The following TRPV4 variants were observed in gnomAD, a reference collection of about 807,000 sequenced individuals.
TRPV4 encodes the protein transient receptor potential cation channel subfamily V member 4, also known as OSM9-like transient receptor potential channel 4.
In TRPV4, 58 loss-of-function variants were observed where a neutral mutation model predicts 84.1. The ratio of observed to expected loss-of-function variants is 0.69; its 90% CI spans 0.56 to 0.86. The LOEUF (loss-of-function observed/expected upper bound fraction) is 0.86. Among genes scored for constraint, TRPV4 ranks in the 40% least tolerant of loss-of-function variants. TRPV4 has a pLI of 0.00. For missense variants in TRPV4, 879 were observed against 1,181.1 expected, an observed-to-expected ratio of 0.74 and a Z score of 3.75; for synonymous variants, 489 against 500.9, an observed-to-expected ratio of 0.98 and a Z score of 0.32.
rs1201087763 is a variant in TRPV4 at position 109,783,865 on chromosome 12, T to C, written c.2459-87A>G. 1.4e-6 allele frequency: 2 copies of C among 1,479,670 alleles called. No homozygotes were observed. Among genetic ancestry groups the C allele is most frequent in the Non-Finnish European group, 1.8e-6 (2 of 1,081,784 alleles). The allele number at this position is 1,479,670 out of a possible 1,614,324, so 91.7% of individuals were successfully genotyped here. A position where few individuals can be genotyped will look rare whatever the true frequency, so the allele number is the denominator to read the frequency against. ...TGAGTGCCTACTGTGTACTGGGCACTCCACAGTGTTCTGAAGGGGGGATGT... is the reference window on the plus strand; with the variant it reads ...TGAGTGCCTACTGTGTACTGGGCACCCCACAGTGTTCTGAAGGGGGGATGT... On this transcript the variant is annotated intron_variant, in intron 15 of 15. Coordinates refer to ENST00000261740, the MANE Select transcript of TRPV4 (RefSeq NM_021625.5). This position sits in a 1 kb window ranked among gnomAD's most constrained non-coding sequence, Gnocchi z 4.6.
rs762197967 is a variant in TRPV4, at chr12:109,814,598, GA to G, written c.198del (p.Leu67CysfsTer3). 6.2e-7 allele frequency: 1 copy of G among 1,614,132 alleles called. No individual in the cohort carries two copies. The highest frequency in any genetic ancestry group is 1.1e-5 in the South Asian group (1 of 91,086). ...AAGGCGCCCTGGAACTTCATGCGCA[GA>G]TTTGGTCGCCCATCGCCTGGGCCAG... ...RPAGPGDGRPNLRMKFQGAFR... is the reference protein window; with the variant it reads ...RPAGPGDGRPXLRMKFQGAFR... On this transcript the variant is annotated frameshift_variant, in exon 2 of 16. Transcript: ENST00000261740. LOFTEE classifies it high-confidence loss of function. This position sits in a 1 kb window ranked among gnomAD's most constrained non-coding sequence, Gnocchi z 5.4.
chr12:109,831,983 C>T (rs1379559190), intron 1 of TRPV4, among the ~76,000 whole-genome samples: 7 of 152,208 alleles, frequency 4.6e-5, no homozygotes. Context: ...TTTTCACCCT[C>T]TTTGTTAAGA....
chr12:109,823,369 G>A (rs1275491283), intron 1 of TRPV4, among the ~76,000 whole-genome samples: 3 of 152,344 alleles, frequency 2.0e-5, no homozygotes, highest in Admixed American at 6.5e-5. Flanking sequence ...CAAGGCCAGC[G>A]TGGCCACGGC....
rs545660001 is a variant in TRPV4, at chr12:109,803,016, C to T, written c.687G>A (p.Ser229=). Residue 229 remains serine (S), a synonymous_variant, in exon 4 of 16, where the codon TCG becomes TCA. Transcript: ENST00000261740. The part of the protein sequence containing the change: ...RTGNMREFIN[S]PFRDIYYRGQ... Reference sequence around the variant, plus strand: ...CTCGATAGTAGATGTCACGGAAGGGCGAGTTAATGAACTCCCTCATGTTGC... The same window carrying T: ...CTCGATAGTAGATGTCACGGAAGGGTGAGTTAATGAACTCCCTCATGTTGC... 1.4e-5 allele frequency: 23 copies of T among 1,613,966 alleles called. No individual in the cohort carries two copies. Among genetic ancestry groups the T allele is most frequent in the East Asian group, 2.2e-5 (1 of 44,894 alleles).
At chr12:109,813,039 G>A (rs562983359) in intron 2 of TRPV4, among the ~76,000 whole-genome samples, 1 of 152,280 alleles carries the variant, frequency 6.6e-6, no homozygotes, top group East Asian at 1.9e-4. Context: ...ACAAATGGAA[G>A]GCTGGATGTG....
chr12:109,796,418 G>C lies in TRPV4; in HGVS notation c.1332+107C>G. ...TTCAGCCAACAGACCCACCACGTTGGGTCCTAGAGGCTGGGGCTGTCTCCC... is the reference window on the plus strand; with the variant it reads ...TTCAGCCAACAGACCCACCACGTTGCGTCCTAGAGGCTGGGGCTGTCTCCC... On this transcript the variant is annotated intron_variant, in intron 7 of 15. Transcript: ENST00000261740. This position sits in a 1 kb window ranked among gnomAD's most constrained non-coding sequence, Gnocchi z 4.2. 7.5e-7 allele frequency: 1 copy of C among 1,328,092 alleles called. No individual in the cohort carries two copies. Among genetic ancestry groups the C allele is most frequent in the Non-Finnish European group, 1.1e-6 (1 of 943,762 alleles). The allele number at this position is 1,328,092 out of a possible 1,614,324, so 82.3% of individuals were successfully genotyped here.
At chr12:109,817,518 T>G (rs967152004) in intron 1 of TRPV4, among the ~76,000 whole-genome samples, 3 of 152,202 alleles carry the variant, frequency 2.0e-5, no homozygotes, top group African/African-American at 7.2e-5. Context: ...CCCAGGTTCC[T>G]GGGGACTCCA....
Position 109,803,092 on chromosome 12 carries a change from T to C in TRPV4, c.611A>G (p.Asn204Ser), listed in dbSNP as rs771772498. Residue 204 changes from asparagine to serine, a missense_variant, in exon 4 of 16, where the codon AAT (asparagine) becomes AGT (serine). By Grantham distance (46) the Asn-to-Ser change is conservative (BLOSUM62 1). Around this residue, in one of 4 missense-constraint regions of TRPV4, gnomAD observed 521 missense variants for 686.6 expected, o/e 0.76. Transcript: ENST00000261740. ...CLPKALLNLS[N>S]GRNDTIPVLL... Reference sequence around the variant, plus strand: ...CACAGGGATGGTGTCGTTGCGGCCATTGCTCAGGTTCAGCAAGGCCTTGGG... The same window carrying C: ...CACAGGGATGGTGTCGTTGCGGCCACTGCTCAGGTTCAGCAAGGCCTTGGG... The C allele has an allele frequency of 8.1e-6, 13 of 1,614,170 alleles. No homozygotes were observed. Among genetic ancestry groups the C allele is most frequent in the South Asian group, 1.1e-5 (1 of 91,086 alleles).
Position 109,797,091 on chromosome 12 carries a change from A to G in TRPV4, c.1153-387T>C, listed in dbSNP as rs540990429. On this transcript the variant is annotated intron_variant, in intron 6 of 15. Transcript: ENST00000261740. ...TACCACTCCTCCTTCCCTGGCTTAC[A>G]CACAGGGAAGCGGAGGCACAGAGAG... Among the ~76,000 whole-genome samples the G allele has an allele frequency of 1.7e-3, 265 of 152,266 alleles. 1 individual carries two copies. Among genetic ancestry groups the G allele is most frequent in the African/African-American group, 6.2e-3 (259 of 41,536 alleles).
Position 109,783,886 on chromosome 12 carries a change from G to T in TRPV4, c.2459-108C>A. 2 of 1,326,904 alleles carry T rather than the reference G, an allele frequency of 1.5e-6. No homozygotes were observed. The highest frequency in any genetic ancestry group is 2.1e-6 in the Non-Finnish European group (2 of 955,502). The allele number at this position is 1,326,904 out of a possible 1,614,324, so 82.2% of individuals were successfully genotyped here. On this transcript the variant is annotated intron_variant, in intron 15 of 15. Coordinates refer to ENST00000261740, the MANE Select transcript of TRPV4 (RefSeq NM_021625.5). This position sits in a 1 kb window ranked among gnomAD's most constrained non-coding sequence, Gnocchi z 4.6. ...GCACTCCACAGTGTTCTGAAGGGGG[G>T]ATGTGACTATGCTCATTTTACAGAG...
Position 109,788,460 on chromosome 12 carries a change from G to A in TRPV4, c.2148C>T (p.Ala716=), listed in dbSNP as rs766828055. The A allele has an allele frequency of 1.2e-6, 2 of 1,614,186 alleles. No individual in the cohort carries two copies. Among genetic ancestry groups the A allele is most frequent in the South Asian group, 1.1e-5 (1 of 91,086 alleles). The change falls in exon 13 of 16, where the codon GCC becomes GCT. Residue 716 remains alanine, a synonymous_variant. Coordinates refer to ENST00000261740, the MANE Select transcript of TRPV4 (RefSeq NM_021625.5). ...TFVLLLNMLI[A]LMGETVGQVS... Reference sequence around the variant, plus strand: ...CCTGGCCCACTGTCTCGCCCATGAGGGCAATGAGCATGTTGAGGAGCAGCA... The same window carrying A: ...CCTGGCCCACTGTCTCGCCCATGAGAGCAATGAGCATGTTGAGGAGCAGCA...
rs1221960248 is a variant in TRPV4, at chr12:109,793,631, G to C, written c.1585-31C>G. 4.4e-6 allele frequency: 7 copies of C among 1,584,530 alleles called. No homozygotes were observed. Among genetic ancestry groups the C allele is most frequent in the Non-Finnish European group, 6.1e-6 (7 of 1,153,252 alleles). On this transcript the variant is annotated intron_variant, in intron 9 of 15. Transcript: ENST00000261740. The surrounding 1 kb of genome is among the most constrained non-coding windows in gnomAD (Gnocchi z 4.0). ...AGACAGGAGGGGGCACGTGAAAGGG[G>C]TGGGGCCAGCAGGAGAGGAGAGGAG...
chr12:109,784,894 C>T (rs1015590017), intron 14 of TRPV4, among the ~76,000 whole-genome samples: 8 of 147,060 alleles, frequency 5.4e-5, no homozygotes, highest in African/African-American at 2.1e-4. Flanking sequence ...TGTGTATACA[C>T]ACACAAAAAA....
chr12:109,796,405 A>G lies in TRPV4; in HGVS notation c.1332+120T>C. On this transcript the variant is annotated intron_variant, in intron 7 of 15. Coordinates refer to ENST00000261740, the MANE Select transcript of TRPV4 (RefSeq NM_021625.5). The surrounding 1 kb of genome is among the most constrained non-coding windows in gnomAD (Gnocchi z 4.2). ...ACCTTCTCTTGCATTCAGCCAACAG[A>G]CCCACCACGTTGGGTCCTAGAGGCT... 1 of 1,152,680 alleles carries G rather than the reference A, an allele frequency of 8.7e-7. No homozygotes were observed. The highest frequency in any genetic ancestry group is 1.3e-5 in the South Asian group (1 of 76,874). 71.4% of individuals were successfully genotyped at this position (1,152,680 alleles called of 1,614,324 possible). A position where few individuals can be genotyped will look rare whatever the true frequency, so the allele number is the denominator to read the frequency against.
At chr12:109,792,471 A>G (rs1162447712) in intron 11 of TRPV4, 42 bp from the exon 12 acceptor site, 2 of 1,599,552 alleles carry the variant, frequency 1.3e-6, no homozygotes, top group Non-Finnish European at 1.7e-6. Context: ...GAGGAGACAC[A>G]TGGTTTCTCA....
At chr12:109,828,510 G>A (rs760106339) in intron 1 of TRPV4, among the ~76,000 whole-genome samples, 2 of 152,206 alleles carry the variant, frequency 1.3e-5, no homozygotes, top group Non-Finnish European at 2.9e-5. Context: ...GCCAGAACAA[G>A]AGCAGCAGCC....
rs185045817 is a variant in TRPV4, at chr12:109,786,674, C to T, written c.2336+36G>A. The T allele has an allele frequency of 2.0e-5, 32 of 1,612,508 alleles. No homozygotes were observed. The highest frequency in any genetic ancestry group is 2.4e-5 in the Non-Finnish European group (28 of 1,179,828). The stretch of plus-strand genomic sequence containing the variant: ...GGCCCCGAGCCAGTGGGGACAGTTC[C>T]GCCCTGCCATCCTGGCCCCACTGCC... On this transcript the variant is annotated intron_variant, in intron 14 of 15. Coordinates refer to ENST00000261740, the MANE Select transcript of TRPV4 (RefSeq NM_021625.5). This position sits in a 1 kb window ranked among gnomAD's most constrained non-coding sequence, Gnocchi z 4.5.
At position 109,827,649 on chromosome 12, in the gene TRPV4, C is replaced by T. The variant is rs550765397; in HGVS notation, c.-32+5701G>A. On this transcript the variant is annotated intron_variant, in intron 1 of 15. Coordinates refer to ENST00000261740, the MANE Select transcript of TRPV4 (RefSeq NM_021625.5). ...ATATACACACATACATACATATACA[C>T]GCAAACATACACACACATACACACA... Among the ~76,000 whole-genome samples, 19 of 150,820 alleles carry T rather than the reference C, an allele frequency of 1.3e-4. No homozygotes were observed. The South Asian group carries it at 2.5e-3, about 20-fold the overall frequency.
rs753509572 is a variant in TRPV4, at chr12:109,792,778, G to C, written c.1698C>G (p.Leu566=). 3 of 1,614,050 alleles carry C rather than the reference G, an allele frequency of 1.9e-6. No individual in the cohort carries two copies. The highest frequency in any genetic ancestry group is 2.5e-6 in the Non-Finnish European group (3 of 1,180,034). Residue 566 remains leucine, a synonymous_variant, in exon 11 of 16, where the codon CTC becomes CTG. Coordinates refer to ENST00000261740, the MANE Select transcript of TRPV4 (RefSeq NM_021625.5). ...GGTAGGCCTCGATCCCTGCCAGGTA[G>C]AGGGCTGCTGAGACGATCACCAGGA... ...YSVLVIVSAA[L]YLAGIEAYLA...
Sources: allele counts gnomAD v4.1 joint callset (sites outside exome capture counted in the v4.1 genomes callset), GRCh38; gene constraint gnomAD v4.1.1; regional missense constraint gnomAD v4.1.1; non-coding constraint Gnocchi (gnomAD v3.1); transcripts MANE v1.5; gene names NCBI Gene and HGNC (gene_info 2026-07-23, HGNC 2026-07-21).